Variants in HS6ST1 observed in about 807,000 individuals in gnomAD.
The protein encoded by HS6ST1 is heparan sulfate 6-O-sulfotransferase 1, also known as heparan-sulfate 6-O-sulfotransferase 1.
A neutral mutation model predicts 25.2 loss-of-function variants in HS6ST1; 3 were observed. The ratio of observed to expected loss-of-function variants is 0.12; its 90% CI spans 0.05 to 0.31. The LOEUF (loss-of-function observed/expected upper bound fraction) is 0.31, where lower values mean the gene tolerates loss of function less well. Among genes scored for constraint, HS6ST1 ranks in the 10% least tolerant of loss-of-function variants. The pLI, the probability that HS6ST1 is intolerant of heterozygous loss-of-function variation, is 1.00. For missense variants in HS6ST1, 310 were observed against 609.6 expected, an observed-to-expected ratio of 0.51 and a Z score of 5.18; for synonymous variants, 204 against 275.1, an observed-to-expected ratio of 0.74 and a Z score of 2.56.
chr2:128,314,857 T>C (rs2104939325), intron 1 of HS6ST1, among the ~76,000 whole-genome samples: 1 of 152,312 alleles, frequency 6.6e-6, no homozygotes, highest in South Asian at 2.1e-4. Flanking sequence ...GCCCACATGA[T>C]TTCAGGGACA....
chr2:128,316,690 AGTGTGTGTGTGTGTGTGG>A (rs1187777221), intron 1 of HS6ST1, among the ~76,000 whole-genome samples: 2 of 147,704 alleles, frequency 1.4e-5, no homozygotes, highest in African/African-American at 5.0e-5. Flanking sequence ...TGGGAGCTGC[AGTGTGTGTGTGTGTGTGG>A]GTGTGTGTGT....
chr2:128,283,421 A>G (rs1239342694), intron 1 of HS6ST1, among the ~76,000 whole-genome samples: 31 of 152,224 alleles, frequency 2.0e-4, no homozygotes, highest in Admixed American at 2.0e-3. Flanking sequence ...GAGCAATCCC[A>G]GTGACCCCCT....
intron 1 of HS6ST1, among the ~76,000 whole-genome samples, chr2:128,298,361 T>C (rs1180414901): frequency 2.0e-5 from 3 of 152,162 alleles, no homozygotes; most frequent in Non-Finnish European, 4.4e-5. Flanking sequence ...AAACAGATAT[T>C]TGTACACCCA....
At chr2:128,316,997 G>T (rs984306097) in intron 1 of HS6ST1, among the ~76,000 whole-genome samples, 2 of 152,162 alleles carry the variant, frequency 1.3e-5, no homozygotes, top group Admixed American at 6.5e-5. Flanking sequence ...CAGTCCTAAG[G>T]CAAATTTGGA....
At chr2:128,288,480 A>G (rs1693900282) in intron 1 of HS6ST1, among the ~76,000 whole-genome samples, 1 of 152,148 alleles carries the variant, frequency 6.6e-6, no homozygotes, top group Non-Finnish European at 1.5e-5. Flanking sequence ...ACAGAAGCTC[A>G]TATCTGTGTG....
chr2:128,282,222 T>C (rs1445228118), intron 1 of HS6ST1, among the ~76,000 whole-genome samples: 2 of 152,062 alleles, frequency 1.3e-5, no homozygotes, highest in African/African-American at 4.8e-5. Flanking sequence ...AGAGTCAGAG[T>C]GGTCTGCATA....
chr2:128,317,087 A>G (rs1024650373), intron 1 of HS6ST1, among the ~76,000 whole-genome samples: 5 of 152,236 alleles, frequency 3.3e-5, no homozygotes, highest in Middle Eastern at 3.2e-3. Context: ...CCCGCAGGGC[A>G]TCCCTGCAGG....
At chr2:128,272,114 G>A (rs1374020171) in intron 1 of HS6ST1, among the ~76,000 whole-genome samples, 9 of 152,212 alleles carry the variant, frequency 5.9e-5, no homozygotes, top group Admixed American at 3.9e-4. Flanking sequence ...TGGCAGCGAC[G>A]TTTCTGAATG....
chr2:128,295,875 A>G (rs901696794), intron 1 of HS6ST1, among the ~76,000 whole-genome samples: 4 of 152,260 alleles, frequency 2.6e-5, no homozygotes, highest in African/African-American at 9.6e-5. Context: ...TCAGTGTAAT[A>G]AAGGCCATTG....
intron 1 of HS6ST1, among the ~76,000 whole-genome samples, chr2:128,285,844 A>G (rs770370513): frequency 3.9e-5 from 6 of 152,230 alleles, no homozygotes; most frequent in African/African-American, 7.2e-5. Flanking sequence ...CCCCACCCTC[A>G]GGCCGGCAGT....
intron 1 of HS6ST1, among the ~76,000 whole-genome samples, chr2:128,292,057 C>A (rs1693960017): frequency 6.6e-6 from 1 of 151,192 alleles, no homozygotes; most frequent in South Asian, 2.1e-4. Flanking sequence ...AGGAGAGGGG[C>A]CTGGATGGAG....
intron 1 of HS6ST1, among the ~76,000 whole-genome samples, chr2:128,299,422 T>A (rs914824485): frequency 1.3e-5 from 2 of 152,240 alleles, no homozygotes; most frequent in Non-Finnish European, 2.9e-5. Context: ...GAGGCTCTGC[T>A]GGCCCCAGTC....
chr2:128,265,844 G>A lies in HS6ST1; in HGVS notation c.*2318C>T, dbSNP rs2104906159. 1 of 152,338 alleles carries A rather than the reference G, an allele frequency of 6.6e-6. No individual in the cohort carries two copies. The highest frequency in any genetic ancestry group is 1.9e-4 in the East Asian group (1 of 5,178). 9.4% of individuals were successfully genotyped at this position (152,338 alleles called of 1,614,324 possible). On this transcript the variant is annotated 3_prime_UTR_variant, in exon 2 of 2. Coordinates refer to ENST00000259241, the MANE Select transcript of HS6ST1 (RefSeq NM_004807.3). ...AGCCCTGGGAGGGCCCCGGTGGACAGAGTCCTTACAATTTAGGAGATGCTG... is the reference window on the plus strand; with the variant it reads ...AGCCCTGGGAGGGCCCCGGTGGACAAAGTCCTTACAATTTAGGAGATGCTG...
chr2:128,312,813 A>G (rs1694311314), intron 1 of HS6ST1, among the ~76,000 whole-genome samples: 1 of 152,230 alleles, frequency 6.6e-6, no homozygotes, highest in Non-Finnish European at 1.5e-5. Context: ...TCATCCCAGC[A>G]CTTTGGCAGG....
chr2:128,285,608 C>CG (rs1354508316), intron 1 of HS6ST1, among the ~76,000 whole-genome samples: 1 of 66 alleles, frequency 0.015, no homozygotes, highest in Non-Finnish European at 0.031. Flanking sequence ...GGGCTGTCTG[C>CG]CAGCACCTGG....
intron 1 of HS6ST1, among the ~76,000 whole-genome samples, chr2:128,277,086 C>T (rs985811896): frequency 2.6e-5 from 4 of 152,168 alleles, no homozygotes; most frequent in Admixed American, 6.5e-5. Flanking sequence ...CCCAAGCATC[C>T]GGCTGGTGGT....
chr2:128,318,608 A>C lies in HS6ST1; in HGVS notation c.-45T>G, dbSNP rs1255850209. On this transcript the variant is annotated 5_prime_UTR_variant, in exon 1 of 2. Coordinates refer to ENST00000259241, the MANE Select transcript of HS6ST1 (RefSeq NM_004807.3). This position sits in a 1 kb window ranked among gnomAD's most constrained non-coding sequence, Gnocchi z 5.7. Reference sequence around the variant, plus strand: ...CCGGGCGCGGGGCGCGGGGCCTGGGAGGGCAGGAGGCGCGGGCGCAGCTGC... The same window carrying C: ...CCGGGCGCGGGGCGCGGGGCCTGGGCGGGCAGGAGGCGCGGGCGCAGCTGC... 1 of 989,296 alleles carries C rather than the reference A, an allele frequency of 1.0e-6. No homozygotes were observed. Among genetic ancestry groups the C allele is most frequent in the Non-Finnish European group, 1.3e-6 (1 of 775,856 alleles). 61.3% of individuals were successfully genotyped at this position (989,296 alleles called of 1,614,324 possible). A position where few individuals can be genotyped will look rare whatever the true frequency, so the allele number is the denominator to read the frequency against.
At chr2:128,273,166 A>C (rs1017854199) in intron 1 of HS6ST1, among the ~76,000 whole-genome samples, 4 of 152,194 alleles carry the variant, frequency 2.6e-5, no homozygotes, top group Non-Finnish European at 4.4e-5. Flanking sequence ...GTCTTGTAAT[A>C]AAATGGCGCA....
chr2:128,315,808 G>T (rs1694354475), intron 1 of HS6ST1, among the ~76,000 whole-genome samples: 3 of 152,200 alleles, frequency 2.0e-5, no homozygotes, highest in Admixed American at 2.0e-4. Flanking sequence ...AGATTACCTT[G>T]GCCTCCTGAT....
Sources: allele counts gnomAD v4.1 joint callset (sites outside exome capture counted in the v4.1 genomes callset), GRCh38; gene constraint gnomAD v4.1.1; non-coding constraint Gnocchi (gnomAD v3.1); transcripts MANE v1.5; gene names NCBI Gene and HGNC (gene_info 2026-07-23, HGNC 2026-07-21).